Variants in MPZL3 observed in about 807,000 individuals in gnomAD.
The protein encoded by MPZL3 is myelin protein zero like 3.
MPZL3 carries 23 observed loss-of-function variants against 24.8 expected under a neutral mutation model. The ratio of observed to expected loss-of-function variants is 0.93; its 90% CI spans 0.67 to 1.31. The LOEUF is 1.31. MPZL3 is among the 40% of genes most tolerant of loss of function. MPZL3 has a pLI of 0.00. For synonymous variants in MPZL3, 99 were observed against 106.5 expected, an observed-to-expected ratio of 0.93 and a Z score of 0.44; for missense variants, 277 against 294.9, an observed-to-expected ratio of 0.94 and a Z score of 0.44.
At position 118,229,610 on chromosome 11, in the gene MPZL3, A is replaced by C. The variant is rs76968581; in HGVS notation, c.*284T>G. 6.9e-4 allele frequency: 223 copies of C among 322,478 alleles called. 1 individual carries two copies. The highest frequency in any genetic ancestry group is 4.2e-3 in the African/African-American group (194 of 46,724). 20.0% of individuals were successfully genotyped at this position (322,478 alleles called of 1,614,324 possible). A position where few individuals can be genotyped will look rare whatever the true frequency, so the allele number is the denominator to read the frequency against. On this transcript the variant is annotated 3_prime_UTR_variant, in exon 6 of 6. Transcript: ENST00000278949. ...CATTCCAGAGCAAAGATGAATCAAA[A>C]AGTATCTTTTTGCTCAGGAAAAGAA...
intron 1 of MPZL3, among the ~76,000 whole-genome samples, chr11:118,249,118 C>T (rs1174533828): frequency 6.6e-6 from 1 of 152,154 alleles, no homozygotes; most frequent in Admixed American, 6.5e-5. Context: ...TCTTGGCTCA[C>T]TGCATCCATG....
Position 118,233,491 on chromosome 11 carries a change from G to A in MPZL3, c.650C>T (p.Ala217Val), listed in dbSNP as rs749946051. 17 of 1,613,620 alleles carry A rather than the reference G, an allele frequency of 1.1e-5. No homozygotes were observed. The highest frequency in any genetic ancestry group is 7.7e-5 in the South Asian group (7 of 91,090). The part of the protein sequence containing the change: ...TDQEEEEACM[A>V]RLCVRCAECL... ...CTCAGCGCAACGGACACAAAGCCTC[G>A]CCATACACGCCTCTTCCTCCTCCTG... The change falls in exon 5 of 6, where the codon GCG (alanine) becomes GTG (valine). Residue 217 changes from alanine (A) to valine (V), a missense_variant. Ala to Val is a moderately conservative substitution (Grantham distance 64, BLOSUM62 0). Coordinates refer to ENST00000278949, the MANE Select transcript of MPZL3 (RefSeq NM_198275.3).
intron 1 of MPZL3, among the ~76,000 whole-genome samples, chr11:118,244,322 TTAAG>T (rs1172195383): frequency 6.6e-6 from 1 of 152,202 alleles, no homozygotes; most frequent in Non-Finnish European, 1.5e-5. Context: ...GATACATTAA[TTAAG>T]TAATCATAAA....
rs997938389 is a variant in MPZL3 at position 118,228,099 on chromosome 11, C to T, written c.*1795G>A. 12 of 152,144 alleles carry T rather than the reference C, an allele frequency of 7.9e-5. No individual in the cohort carries two copies. The highest frequency in any genetic ancestry group is 2.0e-4 in the Admixed American group (3 of 15,278). The allele number at this position is 152,144 out of a possible 1,614,324, so 9.4% of individuals were successfully genotyped here. A position where few individuals can be genotyped will look rare whatever the true frequency, so the allele number is the denominator to read the frequency against. On this transcript the variant is annotated 3_prime_UTR_variant, in exon 6 of 6. Coordinates refer to ENST00000278949, the MANE Select transcript of MPZL3 (RefSeq NM_198275.3). ...CTGTCTTTGCCCTTCTACTTCCTCG[C>T]GTGACCAGAGTCAAATCACAATGTC...
intron 5 of MPZL3, 145 bp downstream of exon 5, chr11:118,233,315 A>G: frequency 1.1e-6 from 1 of 875,744 alleles, no homozygotes; most frequent in Non-Finnish European, 1.8e-6. Context: ...TGAGTCCAAA[A>G]TGCTTTGGGG....
chr11:118,242,670 C>G (rs1229766020), intron 1 of MPZL3, among the ~76,000 whole-genome samples: 1 of 152,178 alleles, frequency 6.6e-6, no homozygotes, highest in African/African-American at 2.4e-5. Flanking sequence ...GGGTTGTTCC[C>G]CACCACACCA....
chr11:118,245,371 T>C lies in MPZL3; in HGVS notation c.74-4994A>G, dbSNP rs117772420. Among the ~76,000 whole-genome samples, 369 of 151,496 alleles carry C rather than the reference T, an allele frequency of 2.4e-3. 3 individuals are homozygous for C. Among genetic ancestry groups the C allele is most frequent in the Non-Finnish European group, 4.3e-3 (294 of 67,916 alleles). ...AGAAAAAAAAGAAAAAGTGAATGAGTGAATATGGGGAAATTACTGAGGAGG... is the reference window on the plus strand; with the variant it reads ...AGAAAAAAAAGAAAAAGTGAATGAGCGAATATGGGGAAATTACTGAGGAGG... On this transcript the variant is annotated intron_variant, in intron 1 of 5. Coordinates refer to ENST00000278949, the MANE Select transcript of MPZL3 (RefSeq NM_198275.3).
chr11:118,233,255 C>T (rs1201882040), intron 5 of MPZL3, among the ~76,000 whole-genome samples: 11 of 152,122 alleles, frequency 7.2e-5, no homozygotes, highest in Admixed American at 2.0e-4. Flanking sequence ...CACTGCTCTA[C>T]GACCACGAGA....
At chr11:118,239,361 C>T (rs769107188) in intron 2 of MPZL3, among the ~76,000 whole-genome samples, 1 of 152,134 alleles carries the variant, frequency 6.6e-6, no homozygotes, top group Non-Finnish European at 1.5e-5. Flanking sequence ...ACACAGAATG[C>T]AAAGCTTATT....
At chr11:118,249,276 T>C (rs543316980) in intron 1 of MPZL3, among the ~76,000 whole-genome samples, 9 of 152,366 alleles carry the variant, frequency 5.9e-5, no homozygotes, top group African/African-American at 1.7e-4. Flanking sequence ...TAGTTACCCA[T>C]GTGTGTTCAG....
chr11:118,243,095 G>A (rs1565495317), intron 1 of MPZL3, among the ~76,000 whole-genome samples: 1 of 152,114 alleles, frequency 6.6e-6, no homozygotes, highest in Non-Finnish European at 1.5e-5. Context: ...ACCAGACTAG[G>A]CTAGTTGTGA....
intron 1 of MPZL3, among the ~76,000 whole-genome samples, chr11:118,248,940 C>T (rs1949588374): frequency 6.6e-6 from 1 of 152,182 alleles, no homozygotes; most frequent in Non-Finnish European, 1.5e-5. Context: ...TTCCCAGTGT[C>T]CTTCCAAGCT....
At chr11:118,240,175 T>G in intron 2 of MPZL3, 36 bp downstream of exon 2, 22 of 1,500,192 alleles carry the variant, frequency 1.5e-5, no homozygotes, top group Non-Finnish European at 1.9e-5. Context: ...CCAAAACTGT[T>G]GACCAAAGGA....
chr11:118,247,243 T>A (rs977491966), intron 1 of MPZL3, among the ~76,000 whole-genome samples: 1 of 152,022 alleles, frequency 6.6e-6, no homozygotes, highest in African/African-American at 2.4e-5. Context: ...AAAGAATGAG[T>A]CTGGTGGGAG....
rs1949478738 is a variant in MPZL3, at chr11:118,240,341, T to A, written c.110A>T (p.Asp37Val). The stretch of plus-strand genomic sequence containing the variant: ...TCCAACATAACCTCGGACATGGGCA[T>A]CTGCACGAATCTCCAAGGAAAAGAC... ...YIVFSLEIRA[D>V]AHVRGYVGEK... Residue 37 changes from aspartate to valine, a missense_variant, in exon 2 of 6, where the codon GAT (aspartate) becomes GTT (valine). By Grantham distance (152) the Asp-to-Val change is radical (BLOSUM62 -3). Coordinates refer to ENST00000278949, the MANE Select transcript of MPZL3 (RefSeq NM_198275.3). The A allele has an allele frequency of 6.2e-7, 1 of 1,607,462 alleles. No individual in the cohort carries two copies. The highest frequency in any genetic ancestry group is 8.5e-7 in the Non-Finnish European group (1 of 1,177,980).
At chr11:118,251,962 C>T (rs1182103375) in intron 1 of MPZL3, among the ~76,000 whole-genome samples, 1 of 152,140 alleles carries the variant, frequency 6.6e-6, no homozygotes, top group Non-Finnish European at 1.5e-5. Flanking sequence ...TTTGTGGTTC[C>T]ATCAAGTATG....
intron 3 of MPZL3, among the ~76,000 whole-genome samples, chr11:118,235,793 G>C (rs1421055487): frequency 6.6e-6 from 1 of 152,112 alleles, no homozygotes; most frequent in Non-Finnish European, 1.5e-5. Context: ...GAACACTTTG[G>C]TATCTACCCA....
chr11:118,228,300 T>A lies in MPZL3; in HGVS notation c.*1594A>T, dbSNP rs1459207428. On this transcript the variant is annotated 3_prime_UTR_variant, in exon 6 of 6. Coordinates refer to ENST00000278949, the MANE Select transcript of MPZL3 (RefSeq NM_198275.3). Reference sequence around the variant, plus strand: ...CTAACATATACAGTCTGAAGCGCTGTAATATGGAAACTTCCTGAACCACCT... The same window carrying A: ...CTAACATATACAGTCTGAAGCGCTGAAATATGGAAACTTCCTGAACCACCT... 1 of 152,152 alleles carries A rather than the reference T, an allele frequency of 6.6e-6. No homozygotes were observed. The highest frequency in any genetic ancestry group is 1.5e-5 in the Non-Finnish European group (1 of 68,034). 9.4% of individuals were successfully genotyped at this position (152,152 alleles called of 1,614,324 possible).
intron 1 of MPZL3, among the ~76,000 whole-genome samples, chr11:118,247,770 G>A (rs983916836): frequency 4.0e-5 from 6 of 151,354 alleles, no homozygotes; most frequent in East Asian, 2.0e-4. Context: ...CACCATGCCC[G>A]GTTTATGCAC....
Sources: gnomAD v4.1 joint callset for allele counts (sites outside exome capture counted in the v4.1 genomes callset) on GRCh38, gnomAD v4.1.1 for gene constraint, MANE v1.5 for transcripts, NCBI Gene and HGNC (gene_info 2026-07-23, HGNC 2026-07-21) for gene names.